TMSB15B: variants seen among roughly 807,000 people sequenced by gnomAD.
TMSB15B encodes thymosin beta 15B, also known as thymosin beta-15B.
intron 1 of TMSB15B, among the ~76,000 whole-genome samples, chrX:103,954,157 G>A (rs2075045620): frequency 8.9e-6 from 1 of 112,461 alleles, no homozygotes; most frequent in Non-Finnish European, 1.9e-5. Flanking sequence ...TTTTGTTGCA[G>A]GAGTATCTGT....
intron 1 of TMSB15B, among the ~76,000 whole-genome samples, chrX:103,938,619 C>T (rs1160509997): frequency 8.9e-6 from 1 of 112,200 alleles, no homozygotes; most frequent in Non-Finnish European, 1.9e-5. Flanking sequence ...ATTTGCCAGT[C>T]TATGCCTTTT....
intron 1 of TMSB15B, among the ~76,000 whole-genome samples, chrX:103,937,859 G>A (rs1339377023): frequency 9.0e-6 from 1 of 111,713 alleles, no homozygotes; most frequent in African/African-American, 3.3e-5. Context: ...AGAGATTCTG[G>A]TACGTTTTGT....
intron 1 of TMSB15B, among the ~76,000 whole-genome samples, chrX:103,955,354 G>C (rs2075048760): frequency 9.0e-6 from 1 of 110,738 alleles, no homozygotes; most frequent in Non-Finnish European, 1.9e-5. Context: ...TGAGCTACAG[G>C]GGTACATTGT....
chrX:103,946,941 A>G (rs2075027249), intron 1 of TMSB15B, among the ~76,000 whole-genome samples: 1 of 111,694 alleles, frequency 9.0e-6, no homozygotes, highest in South Asian at 3.8e-4. Context: ...AAAGACGAGC[A>G]AAGATTGGTA....
chrX:103,935,394 T>G (rs1316741752), intron 1 of TMSB15B, among the ~76,000 whole-genome samples: 2 of 112,227 alleles, frequency 1.8e-5, no homozygotes, highest in African/African-American at 6.5e-5. Context: ...GCTTTTTGCA[T>G]TTTAGTCATG....
chrX:103,928,129 G>C lies in TMSB15B; in HGVS notation c.-721+8837G>C, dbSNP rs1212488211. 11 of 1,137,803 alleles carry C rather than the reference G, an allele frequency of 9.7e-6. No individual in the cohort carries two copies. In the Admixed American group the frequency reaches 1.4e-4, roughly 15 times the overall value. 93.8% of individuals were successfully genotyped at this position (1,137,803 alleles called of 1,213,427 possible). A position where few individuals can be genotyped will look rare whatever the true frequency, so the allele number is the denominator to read the frequency against. On this transcript the variant is annotated intron_variant, in intron 1 of 3. Transcript: ENST00000419165. ...AGCAGAACCACTCTCCCAGGAAGGA[G>C]CTTCAGCACAGAACACAAGCAGAGG...
intron 1 of TMSB15B, among the ~76,000 whole-genome samples, chrX:103,954,931 A>G (rs1311988887): frequency 1.8e-5 from 2 of 111,347 alleles, no homozygotes; most frequent in Non-Finnish European, 3.8e-5. Flanking sequence ...CTGCACCTTG[A>G]TCCCCCCAGT....
chrX:103,928,392 T>C (rs1556319295), intron 1 of TMSB15B: 3 of 1,210,197 alleles, frequency 2.5e-6, no homozygotes, highest in Non-Finnish European at 2.2e-6. Context: ...TTGGGACTTA[T>C]GATAGCCTGC....
chrX:103,938,151 G>A (rs2075003424), intron 1 of TMSB15B, among the ~76,000 whole-genome samples: 1 of 111,373 alleles, frequency 9.0e-6, no homozygotes, highest in Non-Finnish European at 1.9e-5. Context: ...TGTTGATTTG[G>A]GTGGAATTCT....
At chrX:103,954,283 G>A (rs782294031) in intron 1 of TMSB15B, among the ~76,000 whole-genome samples, 3 of 111,989 alleles carry the variant, frequency 2.7e-5, no homozygotes, top group Non-Finnish European at 3.8e-5. Context: ...CACATCAGAC[G>A]GGGCTGGTCA....
At chrX:103,929,109 T>G (rs1701572570) in intron 1 of TMSB15B, 2 of 664,264 alleles carry the variant, frequency 3.0e-6, no homozygotes, top group Non-Finnish European at 4.4e-6. Flanking sequence ...GGTTGCCTAA[T>G]ACAGCCATCT....
At chrX:103,943,241 G>A in intron 1 of TMSB15B, among the ~76,000 whole-genome samples, 1 of 111,008 alleles carries the variant, frequency 9.0e-6, no homozygotes, top group East Asian at 2.8e-4. Flanking sequence ...ACTTCCAATG[G>A]TATCATCATT....
chrX:103,924,332 T>C (rs1268427517), intron 1 of TMSB15B, among the ~76,000 whole-genome samples: 2 of 111,568 alleles, frequency 1.8e-5, no homozygotes, highest in Non-Finnish European at 3.8e-5. Context: ...CTTAGGCTAC[T>C]TTCTCAGCCT....
intron 1 of TMSB15B, chrX:103,928,517 T>C: frequency 8.4e-7 from 1 of 1,197,281 alleles, no homozygotes; most frequent in Non-Finnish European, 1.1e-6. Context: ...GTGCAAAATG[T>C]GCTCCAGGAT....
intron 1 of TMSB15B, among the ~76,000 whole-genome samples, chrX:103,943,047 A>C (rs1395584181): frequency 8.9e-6 from 1 of 111,767 alleles, no homozygotes; most frequent in Admixed American, 9.5e-5. Context: ...AAACCTTAAA[A>C]AATTTATTAT....
chrX:103,942,933 T>G (rs782183062), intron 1 of TMSB15B, among the ~76,000 whole-genome samples: 2 of 111,776 alleles, frequency 1.8e-5, no homozygotes, highest in Non-Finnish European at 3.8e-5. Flanking sequence ...TGTTGATGCC[T>G]CATGTTGACA....
intron 1 of TMSB15B, among the ~76,000 whole-genome samples, chrX:103,938,750 G>T (rs1370704522): frequency 8.9e-6 from 1 of 111,890 alleles, no homozygotes; most frequent in Non-Finnish European, 1.9e-5. Flanking sequence ...TCATAGTGTC[G>T]ATGGTCTTTA....
At chrX:103,923,360 A>G (rs182890023) in intron 1 of TMSB15B, among the ~76,000 whole-genome samples, 1 of 112,069 alleles carries the variant, frequency 8.9e-6, no homozygotes, top group Non-Finnish European at 1.9e-5. Flanking sequence ...TCTTTAATCC[A>G]TCTTGAATTA....
intron 1 of TMSB15B, among the ~76,000 whole-genome samples, chrX:103,937,427 T>A (rs2075001011): frequency 8.9e-6 from 1 of 112,158 alleles, no homozygotes; most frequent in Non-Finnish European, 1.9e-5. Flanking sequence ...TTTATCCATT[T>A]CTTATAGATT....
Sources: allele counts gnomAD v4.1 joint callset (sites outside exome capture counted in the v4.1 genomes callset), GRCh38; gene constraint gnomAD v4.1.1; transcripts MANE v1.5; gene names NCBI Gene and HGNC (gene_info 2026-07-23, HGNC 2026-07-21).